USP31: variants seen among roughly 807,000 people sequenced by gnomAD.
USP31 encodes ubiquitin carboxyl-terminal hydrolase 31.
USP31 carries 44 observed loss-of-function variants against 119.4 expected under a neutral mutation model. That is an observed-to-expected ratio of 0.37 (90% CI 0.29 to 0.47). The LOEUF (loss-of-function observed/expected upper bound fraction) is 0.47. Ranked by LOEUF, USP31 falls within the 20% of genes least tolerant of loss-of-function variation. The pLI is 0.99. For synonymous variants in USP31, 749 were observed against 705.6 expected (o/e 1.06, Z -0.97); for missense variants, 1,643 against 1,730.2 (o/e 0.95, Z 0.89).
In USP31 at chr16:23,063,891, T is replaced by C. The variant is rs1246044301; in HGVS notation, c.*4155A>G. ...GCTCAAAATGCATCTGCAAAATACTTTGAAAGTTGATCAAAAGGCAGTGTG... is the reference window on the plus strand; with the variant it reads ...GCTCAAAATGCATCTGCAAAATACTCTGAAAGTTGATCAAAAGGCAGTGTG... On this transcript the variant is annotated 3_prime_UTR_variant, in exon 16 of 16. Transcript: ENST00000219689. 1 of 152,182 alleles carries C rather than the reference T, an allele frequency of 6.6e-6. No homozygotes were observed. The highest frequency in any genetic ancestry group is 1.5e-5 in the Non-Finnish European group (1 of 68,036). 9.4% of individuals were successfully genotyped at this position (152,182 alleles called of 1,614,324 possible).
At position 23,116,486 on chromosome 16, in the gene USP31, T is replaced by C. The variant is rs1466574210; in HGVS notation, c.634-8303A>G. On this transcript the variant is annotated intron_variant, in intron 1 of 15. Transcript: ENST00000219689. ...AATAGATGAACACTGTAAAAACAGA[T>C]ACGACTCATGAAAAAATGGTAATAT... Among the ~76,000 whole-genome samples the C allele has an allele frequency of 3.3e-5, 5 of 152,202 alleles. No homozygotes were observed. The East Asian group carries it at 9.6e-4, about 29-fold the overall frequency.
At chr16:23,130,073 CAG>C (rs1314144822) in intron 1 of USP31, among the ~76,000 whole-genome samples, 1 of 152,194 alleles carries the variant, frequency 6.6e-6, no homozygotes, top group Non-Finnish European at 1.5e-5. Flanking sequence ...CCTCAGGTCT[CAG>C]AATCTGAACC....
rs150779315 is a variant in USP31 at position 23,111,576 on chromosome 16, G to C, written c.634-3393C>G. Among the ~76,000 whole-genome samples the C allele has an allele frequency of 7.2e-5, 11 of 152,322 alleles. No individual in the cohort carries two copies. In the East Asian group the frequency reaches 2.1e-3, roughly 29 times the overall value. On this transcript the variant is annotated intron_variant, in intron 1 of 15. Coordinates refer to ENST00000219689, the MANE Select transcript of USP31 (RefSeq NM_020718.4). Reference sequence around the variant, plus strand: ...ACAGATCTGTGGGCTCACTGCAGGAGTCTATGCTAAGGACAAAGATTTGGA... The same window carrying C: ...ACAGATCTGTGGGCTCACTGCAGGACTCTATGCTAAGGACAAAGATTTGGA...
rs540377359 is a variant in USP31 at position 23,068,986 on chromosome 16, C to T, written c.3119G>A (p.Arg1040Gln). The T allele has an allele frequency of 7.4e-6, 12 of 1,614,102 alleles. No homozygotes were observed. The highest frequency in any genetic ancestry group is 2.7e-5 in the African/African-American group (2 of 75,042). The change falls in exon 16 of 16, where the codon CGG (arginine) becomes CAG (glutamine). Residue 1040 changes from arginine to glutamine, a missense_variant. Arg to Gln is a conservative substitution (Grantham distance 43). Around this residue, in one of 5 missense-constraint regions of USP31, gnomAD observed 699 missense variants for 650.9 expected, o/e 1.07. Transcript: ENST00000219689. ...KGTSEPEKSL[R>Q]KGRPALASQE... ...GCTTGCCAAGGCTGGTCTCCCCTTC[C>T]GCAAGCTTTTCTCTGGCTCAGAAGT...
At chr16:23,136,569 G>A (rs1442939582) in intron 1 of USP31, among the ~76,000 whole-genome samples, 1 of 152,032 alleles carries the variant, frequency 6.6e-6, no homozygotes, top group East Asian at 1.9e-4. Context: ...CAGGAAAATT[G>A]CTTGAGCCCA....
At chr16:23,135,185 TTCC>T (rs1903153004) in intron 1 of USP31, among the ~76,000 whole-genome samples, 1 of 147,148 alleles carries the variant, frequency 6.8e-6, no homozygotes, top group African/African-American at 2.5e-5. Flanking sequence ...ACAAGGAAAC[TTCC>T]TCAACATGAT....
Position 23,062,595 on chromosome 16 carries a change from TTTCTTC to T in USP31, c.*5445_*5450del, listed in dbSNP as rs1738532668. 6.6e-6 allele frequency: 1 copy of T among 152,588 alleles called. No homozygotes were observed. The highest frequency in any genetic ancestry group is 2.4e-5 in the African/African-American group (1 of 41,444). 9.5% of individuals were successfully genotyped at this position (152,588 alleles called of 1,614,324 possible). A position where few individuals can be genotyped will look rare whatever the true frequency, so the allele number is the denominator to read the frequency against. On this transcript the variant is annotated 3_prime_UTR_variant, in exon 16 of 16. Transcript: ENST00000219689. ...TTCCAAGGCTAGGAAGGTTGTTTCT[TTTCTTC>T]TTCGACAATTTCTAGCTCAGAGTGA...
chr16:23,110,582 G>A (rs1271695330), intron 1 of USP31, among the ~76,000 whole-genome samples: 2 of 152,188 alleles, frequency 1.3e-5, no homozygotes, highest in Admixed American at 1.3e-4. Flanking sequence ...TTAAAGGCCA[G>A]TCAAACATGG....
chr16:23,066,950 T>G lies in USP31; in HGVS notation c.*1096A>C, dbSNP rs927417999. The G allele has an allele frequency of 6.6e-6, 1 of 152,236 alleles. No individual in the cohort carries two copies. The highest frequency in any genetic ancestry group is 6.5e-5 in the Admixed American group (1 of 15,286). The allele number at this position is 152,236 out of a possible 1,614,324, so 9.4% of individuals were successfully genotyped here. On this transcript the variant is annotated 3_prime_UTR_variant, in exon 16 of 16. Transcript: ENST00000219689. Reference sequence around the variant, plus strand: ...AGGATCTGAAGTGCATATGTAACACTTGATCACACAACGCTTCAACATACC... The same window carrying G: ...AGGATCTGAAGTGCATATGTAACACGTGATCACACAACGCTTCAACATACC...
chr16:23,072,900 T>A (rs1169096955), intron 14 of USP31, among the ~76,000 whole-genome samples: 2 of 151,960 alleles, frequency 1.3e-5, no homozygotes, highest in East Asian at 3.9e-4. Flanking sequence ...TGGGTGGGCT[T>A]GGCCCCCAGC....
rs1363509817 is a variant in USP31, at chr16:23,069,168, G to A, written c.2937C>T (p.Leu979=). The A allele has an allele frequency of 9.3e-6, 15 of 1,614,024 alleles. No homozygotes were observed. The highest frequency in any genetic ancestry group is 1.3e-5 in the Non-Finnish European group (15 of 1,180,050). The change falls in exon 16 of 16, where the codon CTC becomes CTT. Residue 979 remains leucine, a synonymous_variant. Coordinates refer to ENST00000219689, the MANE Select transcript of USP31 (RefSeq NM_020718.4). ...GATTATTGTTATCAAATGGACCAGA[G>A]AGCGGGGGCAGGCGGTCCCCTTGTG... ...HSAQGDRLPP[L]SGPFDNNNQI...
intron 2 of USP31, 69 bp from the exon 3 acceptor site, chr16:23,106,556 G>A: frequency 7.0e-7 from 1 of 1,424,668 alleles, no homozygotes; most frequent in East Asian, 2.3e-5. Flanking sequence ...TGAAGCTAGA[G>A]AATCACATAT....
rs1394284518 is a variant in USP31, at chr16:23,065,665, T to A, written c.*2381A>T. On this transcript the variant is annotated 3_prime_UTR_variant, in exon 16 of 16. Transcript: ENST00000219689. ...CACTGACATTTTATTCCAGATCCCA[T>A]GGAAAACCAAAGGGATTTGTAGAAA... The A allele has an allele frequency of 6.6e-6, 1 of 152,182 alleles. No individual in the cohort carries two copies. Among genetic ancestry groups the A allele is most frequent in the Non-Finnish European group, 1.5e-5 (1 of 67,950 alleles). 9.4% of individuals were successfully genotyped at this position (152,182 alleles called of 1,614,324 possible).
At chr16:23,083,177 T>C (rs1238121229) in intron 11 of USP31, among the ~76,000 whole-genome samples, 1 of 152,154 alleles carries the variant, frequency 6.6e-6, no homozygotes, top group East Asian at 1.9e-4. Context: ...ACTGGAATTA[T>C]TTAGTGATCA....
intron 2 of USP31, 131 bp from the exon 3 acceptor site, chr16:23,106,618 G>A (rs561828285): frequency 1.4e-4 from 129 of 901,478 alleles, no homozygotes; most frequent in African/African-American, 1.2e-3. Flanking sequence ...CTTCAGTGAC[G>A]GGCACCTGCT....
intron 13 of USP31, among the ~76,000 whole-genome samples, chr16:23,078,297 C>A (rs1278714241): frequency 7.8e-6 from 1 of 127,966 alleles, no homozygotes; most frequent in East Asian, 2.2e-4. Context: ...GGTGAGAGAG[C>A]GAGACTCCGT....
At chr16:23,075,675 C>A (rs1900538358) in intron 13 of USP31, among the ~76,000 whole-genome samples, 1 of 152,126 alleles carries the variant, frequency 6.6e-6, no homozygotes, top group Non-Finnish European at 1.5e-5. Context: ...GTAGAAAAAA[C>A]CAAGTTCTTC....
intron 2 of USP31, among the ~76,000 whole-genome samples, chr16:23,107,112 C>CA (rs550513867): frequency 0.069 from 8,902 of 128,616 alleles, 354 homozygotes; most frequent in Non-Finnish European, 0.089. Context: ...AAGTCCGTCT[C>CA]AAAAAAAAAA....
intron 6 of USP31, among the ~76,000 whole-genome samples, chr16:23,093,923 C>T (rs912067565): frequency 1.3e-5 from 2 of 152,208 alleles, no homozygotes; most frequent in African/African-American, 4.8e-5. Flanking sequence ...CAGCTCCCAG[C>T]ATGATCGATG....
Sources: allele counts gnomAD v4.1 joint callset (sites outside exome capture counted in the v4.1 genomes callset), GRCh38; gene constraint gnomAD v4.1.1; regional missense constraint gnomAD v4.1.1; transcripts MANE v1.5; gene names NCBI Gene and HGNC (gene_info 2026-07-23, HGNC 2026-07-21).